HMCN1: variants seen among roughly 807,000 people sequenced by gnomAD.
The protein encoded by HMCN1 is hemicentin-1.
In HMCN1, 321 loss-of-function variants were observed where a neutral mutation model predicts 625.9. That is an observed-to-expected ratio of 0.51 (90% confidence interval 0.47 to 0.56). The LOEUF (loss-of-function observed/expected upper bound fraction) is 0.56, where lower values mean the gene tolerates loss of function less well. HMCN1 is among the 20% of genes least tolerant of loss of function. The probability of loss-of-function intolerance (pLI) is 0.00; values close to 1 mark genes in which losing one functional copy is unlikely to be tolerated. For missense variants in HMCN1, 6,588 were observed against 6,887.3 expected (o/e 0.96, Z 1.54); for synonymous variants, 2,425 against 2,417.6 (o/e 1.00, Z -0.09).
At chr1:186,015,831 C>T (rs1416320752) in intron 31 of HMCN1, 127 bp from the exon 32 acceptor site, 2 of 808,098 alleles carry the variant, frequency 2.5e-6, no homozygotes, top group Non-Finnish European at 4.1e-6. Context: ...TAGAGGGAGA[C>T]AGGCATATAG....
chr1:185,879,413 C>A (rs910716499), intron 4 of HMCN1, among the ~76,000 whole-genome samples: 1 of 152,188 alleles, frequency 6.6e-6, no homozygotes, highest in African/African-American at 2.4e-5. Context: ...TTCAAGCAAT[C>A]CTTCCACCTT....
chr1:185,911,829 A>AT, intron 6 of HMCN1, 49 bp downstream of exon 6: 1 of 1,361,554 alleles, frequency 7.3e-7, no homozygotes, highest in Non-Finnish European at 1.1e-6. Flanking sequence ...TGAAGTTGGC[A>AT]TTTTTCATGA....
intron 1 of HMCN1, among the ~76,000 whole-genome samples, chr1:185,807,470 T>C (rs1173013543): frequency 6.6e-6 from 1 of 152,208 alleles, no homozygotes. Context: ...TTCATACATA[T>C]TCACATATGG....
chr1:186,111,333 A>G (rs943756258), intron 71 of HMCN1, among the ~76,000 whole-genome samples: 1 of 152,120 alleles, frequency 6.6e-6, no homozygotes, highest in Non-Finnish European at 1.5e-5. Context: ...AAGTACTGAT[A>G]TTCATGGAAG....
chr1:185,759,634 T>G (rs888104296), intron 1 of HMCN1, among the ~76,000 whole-genome samples: 2 of 152,188 alleles, frequency 1.3e-5, no homozygotes, highest in African/African-American at 2.4e-5. Flanking sequence ...AGTTTGAAAA[T>G]CATAAAATAT....
chr1:185,896,708 T>C lies in HMCN1; in HGVS notation c.622-12629T>C, dbSNP rs1181416235. On this transcript the variant is annotated intron_variant, in intron 4 of 106. Transcript: ENST00000271588. ...TTAGATAATCATAGAGGAACTGGCA[T>C]TCTCCTAATCGTTCTAATATATACA... Among the ~76,000 whole-genome samples, 3 of 152,220 alleles carry C rather than the reference T, an allele frequency of 2.0e-5. No homozygotes were observed. In the East Asian group the frequency reaches 5.8e-4, roughly 29 times the overall value.
intron 89 of HMCN1, among the ~76,000 whole-genome samples, chr1:186,141,390 T>A (rs1360682551): frequency 1.3e-5 from 2 of 152,220 alleles, no homozygotes; most frequent in East Asian, 3.8e-4. Context: ...AGTGTTGAGA[T>A]GTCCTCATGA....
rs761315220 is a variant in HMCN1 at position 186,001,360 on chromosome 1, AC to A, written c.4134del (p.Asn1379IlefsTer23). On this transcript the variant is annotated frameshift_variant, in exon 27 of 107. Coordinates refer to ENST00000271588, the MANE Select transcript of HMCN1 (RefSeq NM_031935.3). LOFTEE classifies it high-confidence loss of function. ...TNVSVLLNQL[T>X]NLFCEVEGTP... ...TGTGTCGGTGTTGTTAAATCAGCTG[AC>A]CAATCTCTTCTGTGAAGTGGAAGGC... 1.2e-6 allele frequency: 2 copies of A among 1,611,884 alleles called. No individual in the cohort carries two copies. Among genetic ancestry groups the A allele is most frequent in the Non-Finnish European group, 8.5e-7 (1 of 1,178,284 alleles).
At chr1:186,026,955 A>T (rs1480914619) in intron 36 of HMCN1, among the ~76,000 whole-genome samples, 3 of 151,912 alleles carry the variant, frequency 2.0e-5, no homozygotes, top group African/African-American at 7.3e-5. Flanking sequence ...TTTTAATCTC[A>T]ATCTTTATTG....
At chr1:185,779,312 T>C (rs1191417325) in intron 1 of HMCN1, among the ~76,000 whole-genome samples, 2 of 152,230 alleles carry the variant, frequency 1.3e-5, no homozygotes, top group Admixed American at 1.3e-4. Flanking sequence ...TTCACTCTGA[T>C]GGTAGTTTCT....
At chr1:186,058,307 C>G (rs1657479568) in intron 46 of HMCN1, among the ~76,000 whole-genome samples, 1 of 151,918 alleles carries the variant, frequency 6.6e-6, no homozygotes, top group African/African-American at 2.4e-5. Flanking sequence ...TGCATTAATA[C>G]AATGCGATTA....
chr1:186,052,242 G>C (rs1307825592), intron 42 of HMCN1, among the ~76,000 whole-genome samples: 1 of 151,974 alleles, frequency 6.6e-6, no homozygotes, highest in Non-Finnish European at 1.5e-5. Context: ...AGCCACACTG[G>C]GGGTAAAGGA....
At position 185,997,498 on chromosome 1, in the gene HMCN1, G is replaced by A. The variant is rs201162031; in HGVS notation, c.3848G>A (p.Arg1283His). The A allele has an allele frequency of 2.6e-5, 42 of 1,610,968 alleles. No homozygotes were observed. The highest frequency in any genetic ancestry group is 8.9e-5 in the East Asian group (4 of 44,806). ...TTCCAAGAAAGAGTGGCCAATCAAC[G>A]CATTGAATTTCCATGTCCTGCAAAA... is the stretch of plus-strand genomic sequence containing the variant. ...TTFQERVANQRIEFPCPAKGT... is the reference protein window; with the variant it reads ...TTFQERVANQHIEFPCPAKGT... The change falls in exon 25 of 107, where the codon CGC becomes CAC. Residue 1283 changes from arginine to histidine, a missense_variant. Arg to His is a conservative substitution (Grantham distance 29). Coordinates refer to ENST00000271588, the MANE Select transcript of HMCN1 (RefSeq NM_031935.3).
intron 36 of HMCN1, among the ~76,000 whole-genome samples, chr1:186,034,936 A>G (rs1421719522): frequency 6.6e-6 from 1 of 152,104 alleles, no homozygotes; most frequent in East Asian, 1.9e-4. Flanking sequence ...GAAGTGAGAA[A>G]TTGCCAACCC....
At position 186,106,950 on chromosome 1, in the gene HMCN1, C is replaced by G; in HGVS notation, c.10837C>G (p.Leu3613Val). ...SPAGDDDKEY[L>V]VRVHVPPNIA... ...TGCAGGAGATGATGATAAGGAATAT[C>G]TAGTGAGAGTGCATGGTAAATTTGA... The change falls in exon 70 of 107, where the codon CTA becomes GTA. Residue 3613 changes from leucine (L) to valine (V), a missense_variant. Leu to Val is a conservative substitution (Grantham distance 32, BLOSUM62 1). Around this residue, in one of 3 missense-constraint regions of HMCN1, gnomAD observed 4,628 missense variants for 4,853.1 expected, o/e 0.95. Transcript: ENST00000271588. The G allele has an allele frequency of 6.2e-7, 1 of 1,608,426 alleles. No homozygotes were observed. The highest frequency in any genetic ancestry group is 2.2e-5 in the East Asian group (1 of 44,836).
At position 185,989,196 on chromosome 1, in the gene HMCN1, A is replaced by G. The variant is rs1652223516; in HGVS notation, c.3049-292A>G. On this transcript the variant is annotated intron_variant, in intron 20 of 106. Transcript: ENST00000271588. ...CTAATTTTTTGTGTTTTTAGTAGGG[A>G]CGGGGTTTCACCGTGGTCTCGATCT... 2.6e-5 allele frequency among the ~76,000 whole-genome samples: 4 copies of G among 151,486 alleles called. No individual in the cohort carries two copies. The South Asian group carries it at 8.3e-4, about 32-fold the overall frequency.
intron 4 of HMCN1, among the ~76,000 whole-genome samples, chr1:185,908,467 T>G (rs535366073): frequency 3.3e-5 from 5 of 152,124 alleles, no homozygotes; most frequent in South Asian, 2.1e-4. Flanking sequence ...AAAGATGAGG[T>G]GATCAAAGGT....
At chr1:185,834,660 A>G (rs1181945022) in intron 1 of HMCN1, among the ~76,000 whole-genome samples, 4 of 152,190 alleles carry the variant, frequency 2.6e-5, no homozygotes, top group Non-Finnish European at 5.9e-5. Flanking sequence ...TTTTAGAAGC[A>G]GGGCATTACG....
At chr1:186,066,219 A>T (rs1045126317) in intron 49 of HMCN1, among the ~76,000 whole-genome samples, 2 of 152,172 alleles carry the variant, frequency 1.3e-5, no homozygotes, top group African/African-American at 4.8e-5. Flanking sequence ...ATTGAAACTT[A>T]TAAATGTCAT....
Sources: allele counts gnomAD v4.1 joint callset (sites outside exome capture counted in the v4.1 genomes callset), GRCh38; gene constraint gnomAD v4.1.1; regional missense constraint gnomAD v4.1.1; transcripts MANE v1.5; gene names NCBI Gene and HGNC (gene_info 2026-07-23, HGNC 2026-07-21).